WDR70: variants seen among roughly 807,000 people sequenced by gnomAD.
WDR70 encodes the protein WD repeat-containing protein 70.
A neutral mutation model predicts 88.6 loss-of-function variants in WDR70; 53 were observed. The ratio of observed to expected loss-of-function variants is 0.60; its 90% CI spans 0.48 to 0.75. The LOEUF is 0.75. Among genes scored for constraint, WDR70 ranks in the 30% least tolerant of loss-of-function variants. WDR70 has a pLI of 0.00. For synonymous variants in WDR70, 280 were observed against 270.0 expected, an observed-to-expected ratio of 1.04 and a Z score of -0.36; for missense variants, 610 against 823.2, an observed-to-expected ratio of 0.74 and a Z score of 3.17.
intron 9 of WDR70, among the ~76,000 whole-genome samples, chr5:37,568,431 A>T (rs1416322686): frequency 6.6e-6 from 1 of 152,208 alleles, no homozygotes. Flanking sequence ...TGTCTTATTA[A>T]CTTTCTCAGG....
chr5:37,712,284 C>T (rs974451243), intron 13 of WDR70, among the ~76,000 whole-genome samples: 1 of 152,154 alleles, frequency 6.6e-6, no homozygotes, highest in Non-Finnish European at 1.5e-5. Context: ...AGCCACCGCA[C>T]CCGGCCACAT....
intron 7 of WDR70, among the ~76,000 whole-genome samples, chr5:37,467,785 C>T (rs1177279898): frequency 6.6e-6 from 1 of 151,654 alleles, no homozygotes; most frequent in Non-Finnish European, 1.5e-5. Context: ...GGCGCTATCT[C>T]GGCTCACTGC....
intron 13 of WDR70, among the ~76,000 whole-genome samples, chr5:37,709,356 T>A (rs1037945476): frequency 7.2e-5 from 11 of 152,202 alleles, no homozygotes; most frequent in Admixed American, 2.0e-4. Context: ...TCACTTTTTT[T>A]AGGAGGATTA....
intron 9 of WDR70, among the ~76,000 whole-genome samples, chr5:37,528,275 T>C (rs891882210): frequency 6.6e-6 from 1 of 152,164 alleles, no homozygotes; most frequent in Non-Finnish European, 1.5e-5. Context: ...GTGGCACATA[T>C]ACACCATGGA....
chr5:37,680,083 G>A (rs936204517), intron 10 of WDR70, among the ~76,000 whole-genome samples: 1 of 151,716 alleles, frequency 6.6e-6, no homozygotes, highest in African/African-American at 2.4e-5. Flanking sequence ...TTTAATTATA[G>A]CCATTCTGAC....
intron 10 of WDR70, among the ~76,000 whole-genome samples, chr5:37,632,225 G>C (rs1356785315): frequency 6.6e-6 from 1 of 152,174 alleles, no homozygotes; most frequent in African/African-American, 2.4e-5. Context: ...GCTGCCAGTA[G>C]TATAAAAGTA....
At chr5:37,724,737 G>C in intron 15 of WDR70, 197 bp from the exon 16 acceptor site, 1 of 569,956 alleles carries the variant, frequency 1.8e-6, no homozygotes, top group East Asian at 2.9e-5. Context: ...AGTGCTGTTA[G>C]CTGCCAGGAG....
chr5:37,506,617 C>T, intron 8 of WDR70: 1 of 777,298 alleles, frequency 1.3e-6, no homozygotes, highest in Non-Finnish European at 2.4e-6. Flanking sequence ...AACAATCCTT[C>T]AGGAGGCTTA....
chr5:37,664,444 C>T (rs1349611986), intron 10 of WDR70, among the ~76,000 whole-genome samples: 1 of 152,154 alleles, frequency 6.6e-6, no homozygotes, highest in Non-Finnish European at 1.5e-5. Flanking sequence ...ATTCAGTGTC[C>T]TCTAGTGGAG....
At chr5:37,665,358 G>A (rs1745805440) in intron 10 of WDR70, among the ~76,000 whole-genome samples, 1 of 152,172 alleles carries the variant, frequency 6.6e-6, no homozygotes, top group African/African-American at 2.4e-5. Context: ...TGTACCTGCA[G>A]CTGATAACAC....
intron 17 of WDR70, among the ~76,000 whole-genome samples, chr5:37,747,635 T>G (rs773938891): frequency 3.3e-5 from 5 of 152,164 alleles, no homozygotes; most frequent in African/African-American, 4.8e-5. Context: ...AACGTAGTAT[T>G]GGAAATTCTG....
At chr5:37,429,986 A>G (rs1750252618) in intron 5 of WDR70, among the ~76,000 whole-genome samples, 1 of 152,322 alleles carries the variant, frequency 6.6e-6, no homozygotes, top group East Asian at 1.9e-4. Flanking sequence ...AACATTATAT[A>G]TCTTTCCATT....
intron 8 of WDR70, among the ~76,000 whole-genome samples, chr5:37,492,269 TAA>T (rs1740090346): frequency 6.6e-6 from 1 of 152,238 alleles, no homozygotes; most frequent in African/African-American, 2.4e-5. Flanking sequence ...TCCATATTCG[TAA>T]TTCACTTCTC....
rs554715637 is a variant in WDR70 at position 37,516,418 on chromosome 5, A to G, written c.841-96A>G. The G allele has an allele frequency of 5.1e-4, 328 of 646,256 alleles. No individual in the cohort carries two copies. In the African/African-American group the frequency reaches 5.3e-3, roughly 10 times the overall value. 40.0% of individuals were successfully genotyped at this position (646,256 alleles called of 1,614,324 possible). A position where few individuals can be genotyped will look rare whatever the true frequency, so the allele number is the denominator to read the frequency against. On this transcript the variant is annotated intron_variant, in intron 8 of 17. Coordinates refer to ENST00000265107, the MANE Select transcript of WDR70 (RefSeq NM_018034.4). Reference sequence around the variant, plus strand: ...AATGGTGCCCTTTTGGGGGAACTAAACATTTTTACATTTAAAAATGACATG... The same window carrying G: ...AATGGTGCCCTTTTGGGGGAACTAAGCATTTTTACATTTAAAAATGACATG...
At chr5:37,689,115 C>T (rs750905051) in intron 10 of WDR70, among the ~76,000 whole-genome samples, 8 of 152,196 alleles carry the variant, frequency 5.3e-5, no homozygotes, top group South Asian at 2.1e-4. Context: ...AACTTCAAGG[C>T]GGCAGCCTGG....
chr5:37,594,337 G>A (rs7711100), intron 9 of WDR70, among the ~76,000 whole-genome samples: 5,667 of 152,208 alleles, frequency 0.037, 359 homozygotes, highest in African/African-American at 0.13. Flanking sequence ...ATAAGGAAGG[G>A]ATCCAGTTTC....
intron 15 of WDR70, chr5:37,723,529 A>G (rs753448389): frequency 6.6e-6 from 1 of 152,454 alleles, no homozygotes; most frequent in African/African-American, 2.4e-5. Flanking sequence ...CAGAGCCACA[A>G]TCTCAAACCT....
chr5:37,443,034 AT>A (rs1224985902), intron 6 of WDR70, among the ~76,000 whole-genome samples: 1 of 152,174 alleles, frequency 6.6e-6, no homozygotes, highest in Non-Finnish European at 1.5e-5. Context: ...ATTTTTCTTT[AT>A]TGCAAAAGAA....
intron 5 of WDR70, among the ~76,000 whole-genome samples, chr5:37,403,327 A>T (rs1394525180): frequency 1.3e-5 from 2 of 152,136 alleles, no homozygotes; most frequent in African/African-American, 4.8e-5. Context: ...TCTAAGATAA[A>T]ACTTAGGCTT....
Sources: allele counts gnomAD v4.1 joint callset (sites outside exome capture counted in the v4.1 genomes callset), GRCh38; gene constraint gnomAD v4.1.1; transcripts MANE v1.5; gene names NCBI Gene and HGNC (gene_info 2026-07-23, HGNC 2026-07-21).